The following TTBK2 variants were observed in gnomAD, a reference collection of about 807,000 sequenced individuals.
TTBK2 encodes tau-tubulin kinase 2.
TTBK2 carries 28 observed loss-of-function variants against 110.8 expected under a neutral mutation model. That is an observed-to-expected ratio of 0.25 (90% CI 0.19 to 0.35). The LOEUF is 0.35. TTBK2 is among the 10% of genes least tolerant of loss of function. The probability of loss-of-function intolerance (pLI) is 1.00; values close to 1 mark genes in which losing one functional copy is unlikely to be tolerated. For missense variants in TTBK2, 1,369 were observed against 1,500.3 expected (o/e 0.91, Z 1.45); for synonymous variants, 532 against 527.3 (o/e 1.01, Z -0.12).
At chr15:42,846,047 C>G (rs1893447912) in intron 3 of TTBK2, among the ~76,000 whole-genome samples, 1 of 151,574 alleles carries the variant, frequency 6.6e-6, no homozygotes, top group African/African-American at 2.4e-5. Flanking sequence ...TATATAATCT[C>G]TAGATTACTT....
At chr15:42,900,062 C>T (rs552508752) in intron 1 of TTBK2, among the ~76,000 whole-genome samples, 3 of 151,804 alleles carry the variant, frequency 2.0e-5, no homozygotes, top group East Asian at 2.0e-4. Flanking sequence ...GGCATGATCT[C>T]GGCTCACTGC....
chr15:42,789,390 CT>C (rs747293291), intron 10 of TTBK2, among the ~76,000 whole-genome samples: 2 of 152,006 alleles, frequency 1.3e-5, no homozygotes, highest in Non-Finnish European at 2.9e-5. Context: ...CTAAGCATGT[CT>C]TTTAGTTCCA....
chr15:42,846,271 C>A (rs1180320018), intron 3 of TTBK2, among the ~76,000 whole-genome samples: 2 of 151,410 alleles, frequency 1.3e-5, no homozygotes, highest in Non-Finnish European at 2.9e-5. Flanking sequence ...CTCACTGTAA[C>A]CTCTGCCTCC....
chr15:42,805,268 A>G (rs1220509438), intron 9 of TTBK2, among the ~76,000 whole-genome samples: 2 of 152,202 alleles, frequency 1.3e-5, no homozygotes, highest in African/African-American at 4.8e-5. Flanking sequence ...AAATTGAGAT[A>G]AATGTGCAAG....
At chr15:42,901,548 G>A (rs1336053947) in intron 1 of TTBK2, among the ~76,000 whole-genome samples, 1 of 151,654 alleles carries the variant, frequency 6.6e-6, no homozygotes, top group Non-Finnish European at 1.5e-5. Flanking sequence ...TTGGGAGGCT[G>A]AGGTGGGAGG....
intron 3 of TTBK2, among the ~76,000 whole-genome samples, chr15:42,844,623 T>C (rs1487925068): frequency 6.6e-6 from 1 of 152,234 alleles, no homozygotes; most frequent in Middle Eastern, 3.2e-3. Context: ...CCAGTCTCTA[T>C]ATCAAGCATG....
At chr15:42,758,654 C>CAAAA (rs59064527) in intron 13 of TTBK2, among the ~76,000 whole-genome samples, 2 of 66,444 alleles carry the variant, frequency 3.0e-5, no homozygotes, top group African/African-American at 4.9e-5. Flanking sequence ...GATTCCATCT[C>CAAAA]AAAAAAAAAA....
At chr15:42,801,989 T>A in intron 9 of TTBK2, 1 of 1,533,546 alleles carries the variant, frequency 6.5e-7, no homozygotes, top group South Asian at 1.1e-5. Flanking sequence ...TTGATGTAGC[T>A]CTCGAACATG....
In TTBK2 at chr15:42,872,405, G is replaced by C. The variant is rs117017655; in HGVS notation, c.217+206C>G. ...TACTCCATGAAAAAGAACTCCCAAAGCCCAATTATTCTAAGTAATTACATA... is the reference window on the plus strand; with the variant it reads ...TACTCCATGAAAAAGAACTCCCAAACCCCAATTATTCTAAGTAATTACATA... On this transcript the variant is annotated intron_variant, in intron 3 of 14. Coordinates refer to ENST00000267890, the MANE Select transcript of TTBK2 (RefSeq NM_173500.4). Among the ~76,000 whole-genome samples, 2,521 of 152,156 alleles carry C rather than the reference G, an allele frequency of 0.017. 34 individuals carry two copies. Among genetic ancestry groups the C allele is most frequent in the Non-Finnish European group, 0.025 (1,686 of 68,006 alleles).
At chr15:42,806,448 A>G (rs1251106176) in intron 9 of TTBK2, among the ~76,000 whole-genome samples, 3 of 152,198 alleles carry the variant, frequency 2.0e-5, no homozygotes, top group Non-Finnish European at 4.4e-5. Flanking sequence ...TGTTTATAAC[A>G]CTTCCAACGC....
intron 7 of TTBK2, among the ~76,000 whole-genome samples, chr15:42,814,067 G>T (rs562061610): frequency 2.4e-4 from 37 of 152,066 alleles, no homozygotes; most frequent in African/African-American, 8.7e-4. Context: ...GTCAGCCCGG[G>T]CTGGAGTGCG....
At chr15:42,841,310 A>G (rs1181315335) in intron 3 of TTBK2, among the ~76,000 whole-genome samples, 1 of 152,150 alleles carries the variant, frequency 6.6e-6, no homozygotes, top group East Asian at 1.9e-4. Flanking sequence ...GGAGGGCTCA[A>G]CTGATCCTCC....
chr15:42,835,523 A>C (rs1268921017), intron 4 of TTBK2, among the ~76,000 whole-genome samples: 1 of 152,168 alleles, frequency 6.6e-6, no homozygotes, highest in African/African-American at 2.4e-5. Flanking sequence ...TGAAAAGAAA[A>C]TTGCAAGAAA....
At position 42,905,082 on chromosome 15, in the gene TTBK2, G is replaced by A. The variant is rs566746177; in HGVS notation, c.-68+15356C>T. ...ACACAGGATTTCGCCATGTTGGCCA[G>A]GCTGGTCTAGAACTCCTGGACTCAA... is the stretch of plus-strand genomic sequence containing the variant. On this transcript the variant is annotated intron_variant, in intron 1 of 14. Coordinates refer to ENST00000267890, the MANE Select transcript of TTBK2 (RefSeq NM_173500.4). Among the ~76,000 whole-genome samples the A allele has an allele frequency of 4.6e-5, 7 of 152,068 alleles. No individual in the cohort carries two copies. The South Asian group carries it at 1.5e-3, about 32-fold the overall frequency.
intron 1 of TTBK2, among the ~76,000 whole-genome samples, chr15:42,916,414 G>A (rs986288593): frequency 7.2e-5 from 11 of 152,104 alleles, no homozygotes; most frequent in East Asian, 5.8e-4. Flanking sequence ...TGCAACCACC[G>A]CCTCCGGGTT....
rs555882427 is a variant in TTBK2 at position 42,918,168 on chromosome 15, G to C, written c.-68+2270C>G. ...ACAGATCACAGCAGCCTCAACCTCCGATCCACCCCCTCAGTCTCCCTAGTA... is the reference window on the plus strand; with the variant it reads ...ACAGATCACAGCAGCCTCAACCTCCCATCCACCCCCTCAGTCTCCCTAGTA... On this transcript the variant is annotated intron_variant, in intron 1 of 14. Transcript: ENST00000267890. Among the ~76,000 whole-genome samples the C allele has an allele frequency of 5.9e-5, 9 of 151,972 alleles. No individual in the cohort carries two copies. In the East Asian group the frequency reaches 1.5e-3, roughly 26 times the overall value.
At chr15:42,817,437 T>C (rs753841405) in intron 6 of TTBK2, among the ~76,000 whole-genome samples, 47 of 152,152 alleles carry the variant, frequency 3.1e-4, no homozygotes, top group Non-Finnish European at 5.9e-4. Context: ...TCATAGTATA[T>C]ACATTAATAT....
intron 10 of TTBK2, among the ~76,000 whole-genome samples, chr15:42,785,228 T>C (rs1890359624): frequency 6.6e-6 from 1 of 151,030 alleles, no homozygotes; most frequent in African/African-American, 2.4e-5. Flanking sequence ...CAAGCGATTC[T>C]CCTGCCTCGG....
chr15:42,865,211 G>A (rs1338688012), intron 3 of TTBK2, among the ~76,000 whole-genome samples: 2 of 152,126 alleles, frequency 1.3e-5, no homozygotes, highest in Non-Finnish European at 2.9e-5. Context: ...GACGGTCGAG[G>A]TGGGTCAATT....
Sources: gnomAD v4.1 joint callset for allele counts (sites outside exome capture counted in the v4.1 genomes callset) on GRCh38, gnomAD v4.1.1 for gene constraint, MANE v1.5 for transcripts, NCBI Gene and HGNC (gene_info 2026-07-23, HGNC 2026-07-21) for gene names.